LTAP1: variants seen among roughly 807,000 people sequenced by gnomAD.
The protein encoded by LTAP1 is HCV NS5A-transactivated protein 4.
At chr1:154,214,590 A>G in the LTAP1 span, 4 of 1,519,284 alleles carry the variant, frequency 2.6e-6, no homozygotes, top group Non-Finnish European at 3.6e-6. Context: ...CACATAAAAA[A>G]AGAATACACA....
At chr1:154,215,207 T>A in the LTAP1 span, among the ~76,000 whole-genome samples, 11 of 151,350 alleles carry the variant, frequency 7.3e-5, no homozygotes, top group Non-Finnish European at 1.5e-4. Context: ...GAGGCTACTT[T>A]AAAAAAAAAT....
At chr1:154,217,961 T>C in the LTAP1 span, among the ~76,000 whole-genome samples, 1 of 152,178 alleles carries the variant, frequency 6.6e-6, no homozygotes, top group African/African-American at 2.4e-5. Context: ...AAACAAGGTC[T>C]TGCTCTTGCC....
chr1:154,217,529 G>A, the LTAP1 span, among the ~76,000 whole-genome samples: 1 of 151,944 alleles, frequency 6.6e-6, no homozygotes, highest in Non-Finnish European at 1.5e-5. Flanking sequence ...TCTTCACTCA[G>A]CATGGTTTTT....
chr1:154,211,440 G>A, the LTAP1 span, among the ~76,000 whole-genome samples: 12 of 133,984 alleles, frequency 9.0e-5, no homozygotes, highest in East Asian at 1.4e-3. Context: ...GGGGTCAAGC[G>A]ATTCTCCTGC....
chr1:154,219,713 T>C, the LTAP1 span: 3 of 761,142 alleles, frequency 3.9e-6, no homozygotes, highest in Non-Finnish European at 6.4e-6. Context: ...ACTTAGTAAG[T>C]ACAAGGACAA....
the LTAP1 span, among the ~76,000 whole-genome samples, chr1:154,209,834 C>T: frequency 6.6e-6 from 1 of 152,138 alleles, no homozygotes; most frequent in Non-Finnish European, 1.5e-5. Flanking sequence ...TCATGAACCG[C>T]CCGCCTCGGC....
chr1:154,212,323 G>C, the LTAP1 span: 1 of 1,614,180 alleles, frequency 6.2e-7, no homozygotes, highest in Non-Finnish European at 8.5e-7. Context: ...AACTCACGCA[G>C]TGGCCAGCTC....
At chr1:154,214,697 T>C in the LTAP1 span, 1 of 631,484 alleles carries the variant, frequency 1.6e-6, no homozygotes, top group Non-Finnish European at 2.7e-6. Context: ...CTCATGTAGT[T>C]AATAAAATTA....
At chr1:154,207,271 T>C in the LTAP1 span, 2 of 556,270 alleles carry the variant, frequency 3.6e-6, no homozygotes. Context: ...AAAATGCTCA[T>C]AAGGAAGGGT....
At chr1:154,217,137 C>T in the LTAP1 span, among the ~76,000 whole-genome samples, 2 of 150,688 alleles carry the variant, frequency 1.3e-5, no homozygotes, top group South Asian at 2.1e-4. Flanking sequence ...TTAGTACAGT[C>T]GGGGTTTCAC....
At chr1:154,220,108 A>G in the LTAP1 span, 1 of 717,482 alleles carries the variant, frequency 1.4e-6, no homozygotes, top group Non-Finnish European at 2.3e-6. Flanking sequence ...CTAAGAAGCC[A>G]GCAGCAGGGA....
chr1:154,210,809 C>T, the LTAP1 span, among the ~76,000 whole-genome samples: 1 of 150,114 alleles, frequency 6.7e-6, no homozygotes, highest in East Asian at 2.0e-4. Flanking sequence ...TTTCCTTTCT[C>T]GCCAAGAACT....
chr1:154,218,177 C>A, the LTAP1 span, among the ~76,000 whole-genome samples: 1 of 152,208 alleles, frequency 6.6e-6, no homozygotes, highest in East Asian at 1.9e-4. Flanking sequence ...TAATCTTGCA[C>A]ATGTTTCTTG....
chr1:154,220,172 G>T, the LTAP1 span: 959 of 858,856 alleles, frequency 1.1e-3, 4 homozygotes, highest in Non-Finnish European at 1.5e-3. Flanking sequence ...TAACGAGGGC[G>T]GGTCGGCCCG....
At chr1:154,217,786 C>G in the LTAP1 span, among the ~76,000 whole-genome samples, 3 of 151,978 alleles carry the variant, frequency 2.0e-5, no homozygotes, top group Non-Finnish European at 4.4e-5. Flanking sequence ...CTGGGATTAC[C>G]GGCATGAGCT....
the LTAP1 span, chr1:154,220,329 G>A: frequency 3.7e-6 from 6 of 1,614,022 alleles, no homozygotes; most frequent in South Asian, 2.2e-5. Flanking sequence ...ATGGGGTGGG[G>A]TAATCTCCTC....
chr1:154,220,187 A>G, the LTAP1 span: 5 of 976,822 alleles, frequency 5.1e-6, no homozygotes, highest in African/African-American at 1.6e-5. Flanking sequence ...GGCCCGACTA[A>G]GTGACTTAAA....
At chr1:154,209,423 GTTTTTTTT>G in the LTAP1 span, among the ~76,000 whole-genome samples, 1 of 101,852 alleles carries the variant, frequency 9.8e-6, no homozygotes, top group Non-Finnish European at 1.9e-5. Flanking sequence ...GCTCTAAGCA[GTTTTTTTT>G]TTTTTTTTTT....
chr1:154,220,271 G>T, the LTAP1 span: 1 of 1,558,460 alleles, frequency 6.4e-7, no homozygotes, highest in Non-Finnish European at 8.9e-7. Context: ...TGCAGACGGG[G>T]TACAGCTCAA....
Sources: allele counts gnomAD v4.1 joint callset (sites outside exome capture counted in the v4.1 genomes callset), GRCh38; gene constraint gnomAD v4.1.1; transcripts MANE v1.5; gene names NCBI Gene and HGNC (gene_info 2026-07-23, HGNC 2026-07-21).